CPXM2: variants seen among roughly 807,000 people sequenced by gnomAD.
The protein encoded by CPXM2 is carboxypeptidase X, M14 family member 2, also known as inactive carboxypeptidase-like protein X2.
CPXM2 carries 66 observed loss-of-function variants against 86.1 expected under a neutral mutation model. That is an observed-to-expected ratio of 0.77 (90% confidence interval 0.63 to 0.94). The LOEUF (loss-of-function observed/expected upper bound fraction) is 0.94, where lower values mean the gene tolerates loss of function less well. Among genes scored for constraint, CPXM2 ranks in the 40% least tolerant of loss-of-function variants. CPXM2 has a pLI of 0.00. For missense variants in CPXM2, 948 were observed against 1,026.3 expected, an observed-to-expected ratio of 0.92 and a Z score of 1.04; for synonymous variants, 388 against 400.2, an observed-to-expected ratio of 0.97 and a Z score of 0.36.
At chr10:123,812,618 T>C (rs1395434240) in intron 4 of CPXM2, among the ~76,000 whole-genome samples, 1 of 152,178 alleles carries the variant, frequency 6.6e-6, no homozygotes, top group Non-Finnish European at 1.5e-5. Flanking sequence ...TGTTAGGAAC[T>C]GGGCCACACA....
At chr10:123,808,782 A>G (rs146185093) in intron 4 of CPXM2, among the ~76,000 whole-genome samples, 1 of 152,276 alleles carries the variant, frequency 6.6e-6, no homozygotes, top group African/African-American at 2.4e-5. Flanking sequence ...AAAGCAACAA[A>G]CCTAGGTCCC....
chr10:123,929,196 C>G (rs149372761), intron 2 of CPXM2, among the ~76,000 whole-genome samples: 1 of 152,300 alleles, frequency 6.6e-6, no homozygotes, highest in African/African-American at 2.4e-5. Flanking sequence ...GCAAACTGGA[C>G]TGCTTTTGGG....
In CPXM2 at chr10:123,763,867, G is replaced by A. The variant is rs553114918; in HGVS notation, c.1480-1698C>T. ...CAGAAGTGAAATTGCAGAGGCATAC[G>A]ATATAGAAATATTCTACTTTACAAG... is the stretch of plus-strand genomic sequence containing the variant. On this transcript the variant is annotated intron_variant, in intron 10 of 13. Coordinates refer to ENST00000241305, the MANE Select transcript of CPXM2 (RefSeq NM_198148.3). 9.9e-5 allele frequency among the ~76,000 whole-genome samples: 15 copies of A among 152,116 alleles called. No individual in the cohort carries two copies. In the South Asian group the frequency reaches 3.1e-3, roughly 32 times the overall value.
At chr10:123,942,287 C>T (rs9422301), upstream of CPXM2, among the ~76,000 whole-genome samples, 94,139 of 151,890 alleles carry the variant, frequency 0.62, 29,391 homozygotes, top group South Asian at 0.73. Flanking sequence ...CTGGGTAAAC[C>T]GAGGGTAAAA....
Position 123,933,720 on chromosome 10 carries a change from A to C in CPXM2, n.174+5757T>G, listed in dbSNP as rs1161113859. 2.6e-5 allele frequency among the ~76,000 whole-genome samples: 4 copies of C among 151,934 alleles called. No homozygotes were observed. In the East Asian group the frequency reaches 5.8e-4, roughly 22 times the overall value. The stretch of plus-strand genomic sequence containing the variant: ...GCAACAGAGCGAGACCATGTCTCTG[A>C]AAACAACAACAAAAACAAAACAAAA... On this transcript the variant is annotated intron_variant and non_coding_transcript_variant, in intron 2 of 19. Transcript: ENST00000368854.
intron 4 of CPXM2, among the ~76,000 whole-genome samples, chr10:123,814,105 G>T (rs1276469195): frequency 6.6e-6 from 1 of 152,134 alleles, no homozygotes; most frequent in East Asian, 1.9e-4. Context: ...TGACCATTGG[G>T]TGCTATGATG....
chr10:123,763,449 C>T (rs1467642584), intron 10 of CPXM2, among the ~76,000 whole-genome samples: 6 of 152,132 alleles, frequency 3.9e-5, no homozygotes, highest in East Asian at 3.8e-4. Context: ...GAGGCACCCA[C>T]TGTATCCTAA....
chr10:123,820,115 GCT>G (rs1263539585), intron 4 of CPXM2, among the ~76,000 whole-genome samples: 1 of 152,180 alleles, frequency 6.6e-6, no homozygotes, highest in African/African-American at 2.4e-5. Flanking sequence ...GGCTTTCCTT[GCT>G]CCTCAGCTTG....
rs1846253298 is a variant in CPXM2, at chr10:123,758,056, T to C, written c.1778-704A>G. Among the ~76,000 whole-genome samples the C allele has an allele frequency of 2.0e-5, 3 of 152,146 alleles. 1 individual carries two copies. Among genetic ancestry groups the C allele is most frequent in the African/African-American group, 4.8e-5 (2 of 41,420 alleles). On this transcript the variant is annotated intron_variant, in intron 11 of 13. Transcript: ENST00000241305. ...ACAGCTCCGAATAGACCATCGCTGCTTGGGGACTCGTAGGCAAACCCACTC... is the reference window on the plus strand; with the variant it reads ...ACAGCTCCGAATAGACCATCGCTGCCTGGGGACTCGTAGGCAAACCCACTC...
At chr10:123,792,731 G>T (rs936121195) in intron 6 of CPXM2, among the ~76,000 whole-genome samples, 3 of 152,242 alleles carry the variant, frequency 2.0e-5, no homozygotes, top group African/African-American at 7.2e-5. Context: ...TGCCCAGGCT[G>T]CCCCTTTGTT....
At chr10:123,830,660 T>C (rs941864923) in intron 4 of CPXM2, among the ~76,000 whole-genome samples, 5 of 152,190 alleles carry the variant, frequency 3.3e-5, no homozygotes, top group African/African-American at 4.8e-5. Context: ...GACAGCTGCA[T>C]TCCAACAGGT....
rs918908695 is a variant in CPXM2, at chr10:123,906,127, C to T, written n.175-25818G>A. Among the ~76,000 whole-genome samples the T allele has an allele frequency of 4.5e-4, 69 of 152,320 alleles. 1 individual carries two copies. Among genetic ancestry groups the T allele is most frequent in the Middle Eastern group, 3.4e-3 (1 of 294 alleles). On this transcript the variant is annotated intron_variant and non_coding_transcript_variant, in intron 2 of 19. Coordinates refer to the CPXM2 transcript ENST00000368854. ...GAAAGCCTCCCCCTGTCTGCTCCTGCACCCATCTCCCACTCCGGATCCCCA... is the reference window on the plus strand; with the variant it reads ...GAAAGCCTCCCCCTGTCTGCTCCTGTACCCATCTCCCACTCCGGATCCCCA...
rs920457195 is a variant in CPXM2 at position 123,919,659 on chromosome 10, A to G, written n.174+19818T>C. 3.3e-5 allele frequency among the ~76,000 whole-genome samples: 5 copies of G among 152,394 alleles called. No individual in the cohort carries two copies. In the East Asian group the frequency reaches 7.7e-4, roughly 23 times the overall value. On this transcript the variant is annotated intron_variant and non_coding_transcript_variant, in intron 2 of 19. Transcript: ENST00000368854. ...GAGGCACAATAACAGAATGAAAATG[A>G]CAAAAGAGAGTCAGTTAATTTGAAG...
At chr10:123,753,626 G>A (rs1234264297) in intron 13 of CPXM2, among the ~76,000 whole-genome samples, 2 of 152,238 alleles carry the variant, frequency 1.3e-5, no homozygotes, top group Non-Finnish European at 2.9e-5. Context: ...AACAGATCGT[G>A]TGGGGAACAG....
At chr10:123,761,249 T>C (rs1846330777) in intron 11 of CPXM2, among the ~76,000 whole-genome samples, 1 of 152,142 alleles carries the variant, frequency 6.6e-6, no homozygotes, top group African/African-American at 2.4e-5. Context: ...TGGGTATGAG[T>C]GTGACGGGCC....
intron 10 of CPXM2, 24 bp downstream of exon 10, chr10:123,766,949 C>T (rs750433196): frequency 1.3e-6 from 2 of 1,597,484 alleles, no homozygotes; most frequent in South Asian, 2.2e-5. Context: ...GGCTGCTTTA[C>T]AGATGACGGG....
At chr10:123,825,262 T>C (rs559033974) in intron 4 of CPXM2, among the ~76,000 whole-genome samples, 3 of 152,182 alleles carry the variant, frequency 2.0e-5, no homozygotes, top group African/African-American at 7.2e-5. Context: ...GGGGGCAGGG[T>C]GAAATGCCCG....
In CPXM2 at chr10:123,754,714, T is replaced by G; in HGVS notation, c.1966A>C (p.Ile656Leu). Residue 656 changes from isoleucine (I) to leucine (L), a missense_variant, in exon 13 of 14, where the codon ATC becomes CTC. By Grantham distance (5) the Ile-to-Leu change is conservative. Transcript: ENST00000241305. The surrounding 1 kb of genome is among the most constrained non-coding windows in gnomAD (Gnocchi z 4.0). ...GLVRDSHGKGIPNAIISVEGI... is the reference protein window; with the variant it reads ...GLVRDSHGKGLPNAIISVEGI... ...TCTACGGAGATAATGGCGTTTGGGA[T>G]TCCTTTTCCATGTGAATCTCTCACC... 7 of 1,611,980 alleles carry G rather than the reference T, an allele frequency of 4.3e-6. No homozygotes were observed. Among genetic ancestry groups the G allele is most frequent in the Non-Finnish European group, 5.9e-6 (7 of 1,177,992 alleles).
chr10:123,862,164 G>A (rs1194113778), intron 3 of CPXM2, among the ~76,000 whole-genome samples: 3 of 152,200 alleles, frequency 2.0e-5, no homozygotes, highest in Non-Finnish European at 4.4e-5. Flanking sequence ...GCTTGACCCG[G>A]GGGAACACAA....
Sources: gnomAD v4.1 joint callset for allele counts (sites outside exome capture counted in the v4.1 genomes callset) on GRCh38, gnomAD v4.1.1 for gene constraint, Gnocchi (gnomAD v3.1) non-coding constraint, MANE v1.5 for transcripts, NCBI Gene and HGNC (gene_info 2026-07-23, HGNC 2026-07-21) for gene names.